RP1: variants seen among roughly 807,000 people sequenced by gnomAD.
RP1 encodes the protein oxygen-regulated protein 1.
RP1 carries 16 observed loss-of-function variants against 14.8 expected under a neutral mutation model. The ratio of observed to expected loss-of-function variants is 1.08; its 90% confidence interval spans 0.73 to 1.65. RP1 has a LOEUF of 1.65. Among genes scored for constraint, RP1 ranks in the 40% most tolerant of loss-of-function variants. The pLI is 0.00. For synonymous variants in RP1, 876 were observed against 883.6 expected (o/e 0.99, Z 0.15); for missense variants, 2,631 against 2,535.0 (o/e 1.04, Z -0.81).
intron 24 of RP1, among the ~76,000 whole-genome samples, chr8:54,808,736 T>C (rs9298510): frequency 0.77 from 116,897 of 152,182 alleles, 45,365 homozygotes; most frequent in African/African-American, 0.87. Context: ...GGGTATAATC[T>C]CATAAAATTT....
intron 15 of RP1, among the ~76,000 whole-genome samples, chr8:54,710,644 T>C (rs564234027): frequency 6.6e-6 from 1 of 152,114 alleles, no homozygotes; most frequent in Non-Finnish European, 1.5e-5. Context: ...TATTGAGCAA[T>C]GAAAGTCGCT....
intron 25 of RP1, among the ~76,000 whole-genome samples, chr8:54,851,094 C>G (rs986077891): frequency 5.3e-5 from 8 of 151,952 alleles, no homozygotes; most frequent in Non-Finnish European, 1.0e-4. Context: ...TGCGTGCATA[C>G]TTTTTGAGGT....
At chr8:54,651,732 T>C (rs1330328904) in intron 4 of RP1, among the ~76,000 whole-genome samples, 2 of 152,186 alleles carry the variant, frequency 1.3e-5, no homozygotes, top group African/African-American at 4.8e-5. Flanking sequence ...TTTTATATTC[T>C]CCCTTTTGTT....
At chr8:54,606,547 C>T (rs1805450050) in intron 1 of RP1, among the ~76,000 whole-genome samples, 1 of 152,108 alleles carries the variant, frequency 6.6e-6, no homozygotes, top group Admixed American at 6.6e-5. Flanking sequence ...CGAGGAGTAT[C>T]TTTGTGGTGT....
intron 24 of RP1, among the ~76,000 whole-genome samples, chr8:54,816,105 A>C (rs760445418): frequency 2.6e-5 from 4 of 152,184 alleles, no homozygotes; most frequent in Non-Finnish European, 5.9e-5. Flanking sequence ...AGGAAGGTAG[A>C]TTCTTAAAAA....
At chr8:54,590,126 C>T (rs987144530) in intron 1 of RP1, among the ~76,000 whole-genome samples, 1 of 152,172 alleles carries the variant, frequency 6.6e-6, no homozygotes, top group East Asian at 1.9e-4. Flanking sequence ...TAACATCTTC[C>T]ATTCAGCATT....
At chr8:54,604,565 G>A (rs995333607) in intron 1 of RP1, among the ~76,000 whole-genome samples, 10 of 152,130 alleles carry the variant, frequency 6.6e-5, no homozygotes, top group African/African-American at 2.2e-4. Context: ...AATGAGTTAG[G>A]GAGGATTCTC....
chr8:54,785,319 T>G (rs558210009), intron 24 of RP1, among the ~76,000 whole-genome samples: 130 of 152,276 alleles, frequency 8.5e-4, no homozygotes, highest in African/African-American at 3.1e-3. Flanking sequence ...GCTTTAAAAC[T>G]TAATCGGTGT....
In RP1 at chr8:54,696,780, T is replaced by A. The variant is rs532017238; in HGVS notation, c.1718-2687T>A. The A allele has an allele frequency of 1.6e-4, 117 of 728,090 alleles. No individual in the cohort carries two copies. In the African/African-American group the frequency reaches 1.9e-3, roughly 12 times the overall value. 45.1% of individuals were successfully genotyped at this position (728,090 alleles called of 1,614,324 possible). On this transcript the variant is annotated intron_variant, in intron 12 of 22. Transcript: ENST00000636932. ...TTGGTAAAAGTCACCCCCCAGAACC[T>A]AAAAATGCCACGTATAGTGGAACGT...
intron 18 of RP1, among the ~76,000 whole-genome samples, chr8:54,737,606 T>C (rs1190801894): frequency 2.0e-5 from 3 of 152,014 alleles, no homozygotes; most frequent in Non-Finnish European, 4.4e-5. Context: ...TGGGGGGAAA[T>C]TGGCTGTTGG....
chr8:54,834,282 A>T (rs143546085), intron 24 of RP1, among the ~76,000 whole-genome samples: 1 of 152,190 alleles, frequency 6.6e-6, no homozygotes, highest in East Asian at 1.9e-4. Flanking sequence ...TCCCTCTGAA[A>T]GTCAAGGTCA....
chr8:54,603,355 C>T (rs1027124645), intron 1 of RP1, among the ~76,000 whole-genome samples: 17 of 151,960 alleles, frequency 1.1e-4, no homozygotes, highest in East Asian at 1.9e-4. Flanking sequence ...TGTAGATATG[C>T]GGCATTATTT....
chr8:54,664,099 T>C (rs1030319633), intron 7 of RP1, among the ~76,000 whole-genome samples: 12 of 152,186 alleles, frequency 7.9e-5, no homozygotes, highest in African/African-American at 2.9e-4. Flanking sequence ...TCTATTTCTG[T>C]GCATTTACTT....
rs1323200382 is a variant in RP1, at chr8:54,644,635, T to C, written c.788-4350T>C. ...ACACCCCTGGCCTATTTCCAGAGCCTATCTAGAAAGCTTTAGGTATTTGTT... is the reference window on the plus strand; with the variant it reads ...ACACCCCTGGCCTATTTCCAGAGCCCATCTAGAAAGCTTTAGGTATTTGTT... On this transcript the variant is annotated intron_variant, in intron 3 of 22. Transcript: ENST00000636932. 2.0e-5 allele frequency among the ~76,000 whole-genome samples: 3 copies of C among 152,204 alleles called. No individual in the cohort carries two copies. In the East Asian group the frequency reaches 5.8e-4, roughly 29 times the overall value.
chr8:54,679,969 G>A, intron 12 of RP1: 1 of 1,510,698 alleles, frequency 6.6e-7, no homozygotes, highest in Non-Finnish European at 8.8e-7. Flanking sequence ...GTGCTGGACA[G>A]GTCTGGGAGT....
At chr8:54,742,281 G>A (rs1809117266) in intron 19 of RP1, among the ~76,000 whole-genome samples, 1 of 152,092 alleles carries the variant, frequency 6.6e-6, no homozygotes, top group African/African-American at 2.4e-5. Flanking sequence ...ATTCCAAAAT[G>A]CTTCAGGTTT....
intron 24 of RP1, among the ~76,000 whole-genome samples, chr8:54,790,090 T>A (rs140030344): frequency 2.0e-5 from 3 of 152,236 alleles, no homozygotes; most frequent in Non-Finnish European, 4.4e-5. Flanking sequence ...CCTATAACTC[T>A]GCCCAACCAG....
Position 54,625,411 on chromosome 8 carries a change from C to T in RP1, c.1529C>T (p.Ser510Leu). 6.2e-7 allele frequency: 1 copy of T among 1,613,934 alleles called. No homozygotes were observed. Among genetic ancestry groups the T allele is most frequent in the South Asian group, 1.1e-5 (1 of 91,044 alleles). The change falls in exon 4 of 4, where the codon TCA becomes TTA. Residue 510 changes from serine (S) to leucine (L), a missense_variant. By Grantham distance (145) the Ser-to-Leu change is moderately radical. Transcript: ENST00000220676. ...MFTHSCSKMS[S>L]VSNKPVLVQI... The stretch of plus-strand genomic sequence containing the variant: ...ACACATTCTTGCAGTAAAATGTCAT[C>T]AGTATCTAACAAACCAGTACTTGTT...
chr8:54,608,269 A>G (rs1805509278), intron 1 of RP1, among the ~76,000 whole-genome samples: 2 of 150,956 alleles, frequency 1.3e-5, no homozygotes, highest in African/African-American at 4.9e-5. Flanking sequence ...GCTCACTGCA[A>G]CCTCTGCCTC....
Sources: gnomAD v4.1 joint callset for allele counts (sites outside exome capture counted in the v4.1 genomes callset) on GRCh38, gnomAD v4.1.1 for gene constraint, MANE v1.5 for transcripts, NCBI Gene and HGNC (gene_info 2026-07-23, HGNC 2026-07-21) for gene names.